The following UCK2 variants were observed in gnomAD, a reference collection of about 807,000 sequenced individuals.
UCK2 encodes uridine-cytidine kinase 2, also known as cytidine monophosphokinase 2.
In UCK2, 6 loss-of-function variants were observed where a neutral mutation model predicts 30.8. That is an observed-to-expected ratio of 0.19 (90% CI 0.11 to 0.38). The LOEUF is 0.38. Among genes scored for constraint, UCK2 ranks in the 10% least tolerant of loss-of-function variants. UCK2 has a pLI of 1.00. For missense variants in UCK2, 210 were observed against 339.8 expected (o/e 0.62, Z 3.00); for synonymous variants, 125 against 133.6 (o/e 0.94, Z 0.45).
At chr1:165,854,352 T>C (rs1030815195) in intron 1 of UCK2, among the ~76,000 whole-genome samples, 1 of 152,216 alleles carries the variant, frequency 6.6e-6, no homozygotes, top group Non-Finnish European at 1.5e-5. Flanking sequence ...GAACAAATTA[T>C]GTCTGCTCCT....
intron 1 of UCK2, among the ~76,000 whole-genome samples, chr1:165,828,731 C>G (rs1442317338): frequency 6.6e-6 from 1 of 152,148 alleles, no homozygotes. Flanking sequence ...GTTTTATCCG[C>G]AAGGCAAGGA....
At chr1:165,907,344 G>A (rs1647700031) in intron 6 of UCK2, among the ~76,000 whole-genome samples, 1 of 152,190 alleles carries the variant, frequency 6.6e-6, no homozygotes, top group African/African-American at 2.4e-5. Flanking sequence ...TAATTGACGT[G>A]TCAGAACCAT....
chr1:165,845,637 C>T (rs753997046), intron 1 of UCK2, among the ~76,000 whole-genome samples: 101 of 152,252 alleles, frequency 6.6e-4, no homozygotes, highest in Admixed American at 7.2e-4. Flanking sequence ...GGTGCTCCTG[C>T]AGACAGCAGC....
At chr1:165,894,835 C>G (rs984722965) in intron 3 of UCK2, among the ~76,000 whole-genome samples, 3 of 152,042 alleles carry the variant, frequency 2.0e-5, no homozygotes, top group Admixed American at 6.6e-5. Flanking sequence ...ATACTGACCT[C>G]CTTATGTTTG....
At chr1:165,873,647 C>G (rs969113125) in intron 1 of UCK2, among the ~76,000 whole-genome samples, 2 of 152,128 alleles carry the variant, frequency 1.3e-5, no homozygotes, top group Admixed American at 6.5e-5. Flanking sequence ...TATTCTCAAC[C>G]CTTTCTTTTG....
At chr1:165,880,836 C>T (rs1173332507) in intron 1 of UCK2, among the ~76,000 whole-genome samples, 2 of 152,034 alleles carry the variant, frequency 1.3e-5, no homozygotes, top group Non-Finnish European at 2.9e-5. Flanking sequence ...AGAACTTGGT[C>T]TCACATGAGC....
intron 4 of UCK2, among the ~76,000 whole-genome samples, chr1:165,898,660 A>G (rs1254066731): frequency 6.6e-6 from 1 of 152,254 alleles, no homozygotes; most frequent in Non-Finnish European, 1.5e-5. Context: ...GAGCAGCAGC[A>G]AGACGCTGGA....
At chr1:165,897,147 G>A (rs752700187) in intron 4 of UCK2, among the ~76,000 whole-genome samples, 3 of 152,134 alleles carry the variant, frequency 2.0e-5, no homozygotes, top group Non-Finnish European at 2.9e-5. Context: ...TGTACAGAGG[G>A]TTGTACGAAG....
rs1655050722 is a variant in UCK2, at chr1:165,866,501, A to G, written c.100-23703A>G. Reference sequence around the variant, plus strand: ...TTTAGTGGCAGTGAGAGGAATAATAATATAAATAGATAATTTTATTATTCT... The same window carrying G: ...TTTAGTGGCAGTGAGAGGAATAATAGTATAAATAGATAATTTTATTATTCT... On this transcript the variant is annotated intron_variant, in intron 1 of 6. Coordinates refer to ENST00000367879, the MANE Select transcript of UCK2 (RefSeq NM_012474.5). Among the ~76,000 whole-genome samples, 4 of 152,210 alleles carry G rather than the reference A, an allele frequency of 2.6e-5. No individual in the cohort carries two copies. The South Asian group carries it at 8.3e-4, about 31-fold the overall frequency.
chr1:165,870,006 G>T (rs1655154949), intron 1 of UCK2, among the ~76,000 whole-genome samples: 2 of 151,910 alleles, frequency 1.3e-5, no homozygotes, highest in African/African-American at 4.8e-5. Flanking sequence ...TTTGTTGCCT[G>T]TGCTTTCAGT....
In UCK2 at chr1:165,827,712, A is replaced by T. The variant is rs970599737; in HGVS notation, c.-122A>T. ...TCCGAGCGGCTCGCAGGCGAGCGAC[A>T]GCGGCCTCAGCCCCGGCAGCGCCCA... is the stretch of plus-strand genomic sequence containing the variant. On this transcript the variant is annotated 5_prime_UTR_variant, in exon 1 of 7. Transcript: ENST00000367879. The T allele has an allele frequency of 4.4e-4, 390 of 882,644 alleles. No homozygotes were observed. Among genetic ancestry groups the T allele is most frequent in the Non-Finnish European group, 5.6e-4 (367 of 659,742 alleles). The allele number at this position is 882,644 out of a possible 1,614,324, so 54.7% of individuals were successfully genotyped here.
At chr1:165,871,286 A>G (rs1655190365) in intron 1 of UCK2, among the ~76,000 whole-genome samples, 1 of 152,182 alleles carries the variant, frequency 6.6e-6, no homozygotes, top group Non-Finnish European at 1.5e-5. Flanking sequence ...TGTTTTAAAG[A>G]AAAATAGTTT....
intron 1 of UCK2, among the ~76,000 whole-genome samples, chr1:165,865,326 G>C (rs984438739): frequency 2.0e-5 from 3 of 152,178 alleles, no homozygotes; most frequent in Non-Finnish European, 4.4e-5. Flanking sequence ...AATTCTTGGT[G>C]CTTGCTGTTG....
chr1:165,860,309 CT>C (rs1654863769), intron 1 of UCK2, among the ~76,000 whole-genome samples: 1 of 152,230 alleles, frequency 6.6e-6, no homozygotes, highest in Non-Finnish European at 1.5e-5. Context: ...AAGCTGCCCT[CT>C]TCCTGTTGAA....
chr1:165,844,326 A>G (rs1654396688), intron 1 of UCK2, among the ~76,000 whole-genome samples: 1 of 152,268 alleles, frequency 6.6e-6, no homozygotes. Context: ...AAGTAAAAAT[A>G]AAATCCTTCA....
chr1:165,881,182 TAAAAAAAAAA>T (rs56886913), intron 1 of UCK2, among the ~76,000 whole-genome samples: 1 of 92,852 alleles, frequency 1.1e-5, no homozygotes, highest in African/African-American at 4.2e-5. Context: ...CAATAAAACT[TAAAAAAAAAA>T]AAAAAAAAAA....
At chr1:165,899,772 G>A (rs1647391563) in intron 4 of UCK2, among the ~76,000 whole-genome samples, 1 of 152,276 alleles carries the variant, frequency 6.6e-6, no homozygotes, top group African/African-American at 2.4e-5. Context: ...TCCTTGGCGC[G>A]GCCCTGTTTC....
At chr1:165,880,567 GTGTGTGTGTGTGTGTGTGT>G (rs1246092863) in intron 1 of UCK2, among the ~76,000 whole-genome samples, 61 of 4,330 alleles carry the variant, frequency 0.014, no homozygotes, top group South Asian at 0.13. Context: ...TTTTTTGGGG[GTGTGTGTGTGTGTGTGTGT>G]GTGTGTGTGT....
At chr1:165,885,123 C>T in intron 1 of UCK2, 1 of 356,744 alleles carries the variant, frequency 2.8e-6, no homozygotes, top group East Asian at 4.0e-5. Flanking sequence ...GTCTCCCTTC[C>T]CCTGTCATTG....
Sources: gnomAD v4.1 joint callset for allele counts (sites outside exome capture counted in the v4.1 genomes callset) on GRCh38, gnomAD v4.1.1 for gene constraint, MANE v1.5 for transcripts, NCBI Gene and HGNC (gene_info 2026-07-23, HGNC 2026-07-21) for gene names.